DLG2: variants seen among roughly 807,000 people sequenced by gnomAD.
DLG2 encodes discs large MAGUK scaffold protein 2, also known as disks large homolog 2.
A neutral mutation model predicts 132.5 loss-of-function variants in DLG2; 45 were observed. That is an observed-to-expected ratio of 0.34 (90% CI 0.27 to 0.44). The LOEUF is 0.44. DLG2 is among the 20% of genes least tolerant of loss of function. The probability of loss-of-function intolerance (pLI) is 1.00; values close to 1 mark genes in which losing one functional copy is unlikely to be tolerated. For missense variants in DLG2, 1,045 were observed against 1,196.9 expected (o/e 0.87, Z 1.87); for synonymous variants, 424 against 419.6 (o/e 1.01, Z -0.13).
chr11:83,538,011 A>G (rs751232431), intron 20 of DLG2, among the ~76,000 whole-genome samples: 1 of 151,984 alleles, frequency 6.6e-6, no homozygotes, highest in Non-Finnish European at 1.5e-5. Flanking sequence ...ACCTCTTAGG[A>G]TTTCAGATTT....
chr11:84,198,421 C>A (rs1245464304), intron 8 of DLG2, among the ~76,000 whole-genome samples: 1 of 151,944 alleles, frequency 6.6e-6, no homozygotes, highest in Non-Finnish European at 1.5e-5. Context: ...AAAGGAAAAT[C>A]AATTTTTCTT....
intron 22 of DLG2, among the ~76,000 whole-genome samples, 197 bp from the exon 23 acceptor site, chr11:83,472,974 C>G (rs1477309591): frequency 6.6e-6 from 1 of 152,112 alleles, no homozygotes; most frequent in Non-Finnish European, 1.5e-5. Context: ...ACAGTCATAA[C>G]TCTAAGTAAT....
chr11:85,065,694 A>ATT lies in DLG2; in HGVS notation c.357+45966_357+45967insAA, dbSNP rs1323695243. Among the ~76,000 whole-genome samples the ATT allele has an allele frequency of 3.7e-3, 559 of 151,466 alleles. 1 individual carries two copies. The highest frequency in any genetic ancestry group is 6.3e-3 in the Non-Finnish European group (426 of 67,658). On this transcript the variant is annotated intron_variant, in intron 6 of 27. Coordinates refer to ENST00000376104, the MANE Select transcript of DLG2 (RefSeq NM_001142699.3). ...AAAGTATAAAAATACATGGAAATTA[A>ATT]ACAATCTGCTCCTGAATAATCTTTG... is the stretch of plus-strand genomic sequence containing the variant.
intron 11 of DLG2, among the ~76,000 whole-genome samples, chr11:83,986,099 T>C (rs1278307658): frequency 1.3e-5 from 2 of 151,754 alleles, no homozygotes; most frequent in African/African-American, 2.4e-5. Context: ...AGGGTACATG[T>C]GCACAATGTG....
intron 21 of DLG2, among the ~76,000 whole-genome samples, chr11:83,518,333 T>C (rs1343914102): frequency 4.6e-5 from 7 of 152,208 alleles, no homozygotes. Flanking sequence ...GCGCGGGATA[T>C]AATCTCCTGG....
intron 3 of DLG2, among the ~76,000 whole-genome samples, chr11:85,589,189 C>A (rs1394133149): frequency 6.6e-6 from 1 of 152,162 alleles, no homozygotes; most frequent in African/African-American, 2.4e-5. Context: ...AGATTTAGGA[C>A]CACTGGTTAG....
intron 16 of DLG2, among the ~76,000 whole-genome samples, chr11:83,850,160 GTT>G (rs145688257): frequency 0.027 from 3,365 of 124,306 alleles, 69 homozygotes; most frequent in Admixed American, 0.056. Flanking sequence ...GTGTGTGTGT[GTT>G]TTTTTACTTG....
chr11:85,062,081 G>T (rs1474270998), intron 6 of DLG2, among the ~76,000 whole-genome samples: 1 of 151,892 alleles, frequency 6.6e-6, no homozygotes, highest in Non-Finnish European at 1.5e-5. Context: ...ATAGGCAAGG[G>T]TTTCTCATTA....
At chr11:83,912,453 A>C (rs1394810726) in intron 15 of DLG2, among the ~76,000 whole-genome samples, 1 of 152,154 alleles carries the variant, frequency 6.6e-6, no homozygotes, top group Non-Finnish European at 1.5e-5. Context: ...TGTACAAAAA[A>C]TGGCACCGTG....
intron 14 of DLG2, among the ~76,000 whole-genome samples, chr11:83,944,091 C>T (rs1289431833): frequency 6.6e-6 from 1 of 152,058 alleles, no homozygotes; most frequent in East Asian, 1.9e-4. Flanking sequence ...ATAAATTCTT[C>T]CCTCAACCAT....
chr11:85,193,438 G>A (rs2080776832), intron 4 of DLG2, among the ~76,000 whole-genome samples: 1 of 152,138 alleles, frequency 6.6e-6, no homozygotes, highest in Non-Finnish European at 1.5e-5. Flanking sequence ...CCTAGAAGTG[G>A]AATTGCTGAC....
rs189423792 is a variant in DLG2 at position 84,862,941 on chromosome 11, T to C, written c.357+248720A>G. The stretch of plus-strand genomic sequence containing the variant: ...TATACCTAGGTACAAATCTGCACGA[T>C]CTGCACATCTATCCCAGAACTTAAA... On this transcript the variant is annotated intron_variant, in intron 6 of 27. Transcript: ENST00000376104. Among the ~76,000 whole-genome samples, 86 of 151,886 alleles carry C rather than the reference T, an allele frequency of 5.7e-4. 2 individuals are homozygous for C. Among genetic ancestry groups the C allele is most frequent in the Admixed American group, 5.6e-3 (86 of 15,248 alleles).
chr11:83,662,854 A>G (rs2074656093), intron 18 of DLG2, among the ~76,000 whole-genome samples: 1 of 152,178 alleles, frequency 6.6e-6, no homozygotes, highest in Non-Finnish European at 1.5e-5. Context: ...GCAGACTGGC[A>G]CAGGATCACA....
In DLG2 at chr11:84,420,295, A is replaced by G. The variant is rs576015423; in HGVS notation, c.519+114275T>C. On this transcript the variant is annotated intron_variant, in intron 7 of 27. Coordinates refer to ENST00000376104, the MANE Select transcript of DLG2 (RefSeq NM_001142699.3). Reference sequence around the variant, plus strand: ...GAGCCGCACTTTATGTTAGACAGCAACCTGCTTAGATAACCAACTCTGTGA... The same window carrying G: ...GAGCCGCACTTTATGTTAGACAGCAGCCTGCTTAGATAACCAACTCTGTGA... Among the ~76,000 whole-genome samples, 70 of 152,346 alleles carry G rather than the reference A, an allele frequency of 4.6e-4. 1 individual carries two copies. The highest frequency in any genetic ancestry group is 1.5e-3 in the African/African-American group (62 of 41,592).
At position 84,253,172 on chromosome 11, in the gene DLG2, A is replaced by T. The variant is rs527389394; in HGVS notation, c.520-1881T>A. ...AAGACAGTTTTTACTGGATCTCATT[A>T]AAAAAAAATAATAAGAGGCATGTAG... On this transcript the variant is annotated intron_variant, in intron 7 of 27. Coordinates refer to ENST00000376104, the MANE Select transcript of DLG2 (RefSeq NM_001142699.3). Among the ~76,000 whole-genome samples, 17 of 150,534 alleles carry T rather than the reference A, an allele frequency of 1.1e-4. No homozygotes were observed. The East Asian group carries it at 1.7e-3, about 15-fold the overall frequency.
chr11:85,069,274 A>G, intron 6 of DLG2, among the ~76,000 whole-genome samples: 1 of 152,150 alleles, frequency 6.6e-6, no homozygotes, highest in Non-Finnish European at 1.5e-5. Context: ...ACCAAAAGCA[A>G]TGGCAACAGA....
chr11:84,427,315 A>G (rs1320760306), intron 7 of DLG2, among the ~76,000 whole-genome samples: 1 of 152,202 alleles, frequency 6.6e-6, no homozygotes, highest in Non-Finnish European at 1.5e-5. Context: ...GATTCTTCAC[A>G]TGCAGTTTTA....
At chr11:84,901,155 G>T (rs1186667372) in intron 6 of DLG2, among the ~76,000 whole-genome samples, 1 of 152,010 alleles carries the variant, frequency 6.6e-6, no homozygotes, top group Non-Finnish European at 1.5e-5. Flanking sequence ...CAGCTTACTA[G>T]AAAAGATCCC....
intron 6 of DLG2, among the ~76,000 whole-genome samples, chr11:84,799,812 C>G (rs1364313055): frequency 6.6e-6 from 1 of 152,176 alleles, no homozygotes; most frequent in Non-Finnish European, 1.5e-5. Context: ...TATTCCCACC[C>G]TCCTGCTTTC....
Sources: allele counts gnomAD v4.1 joint callset (sites outside exome capture counted in the v4.1 genomes callset), GRCh38; gene constraint gnomAD v4.1.1; transcripts MANE v1.5; gene names NCBI Gene and HGNC (gene_info 2026-07-23, HGNC 2026-07-21).